The following DNAH6 variants were observed in gnomAD, a reference collection of about 807,000 sequenced individuals.
The protein encoded by DNAH6 is dynein axonemal heavy chain 6, also known as axonemal beta dynein heavy chain 6.
In DNAH6, 340 loss-of-function variants were observed where a neutral mutation model predicts 491.4. The ratio of observed to expected loss-of-function variants is 0.69; its 90% CI spans 0.63 to 0.76. The LOEUF is 0.76. DNAH6 is among the 30% of genes least tolerant of loss of function. DNAH6 has a pLI of 0.00. For synonymous variants in DNAH6, 1,603 were observed against 1,686.1 expected (o/e 0.95, Z 1.21); for missense variants, 4,443 against 4,972.2 (o/e 0.89, Z 3.20).
intron 42 of DNAH6, 73 bp downstream of exon 42, chr2:84,681,601 A>G: frequency 3.7e-6 from 5 of 1,349,146 alleles, no homozygotes; most frequent in Non-Finnish European, 4.9e-6. Flanking sequence ...TATCTCAGTA[A>G]CATTGTATGT....
At chr2:84,815,794 G>A (rs547305863) in intron 75 of DNAH6, 67 bp from the exon 76 acceptor site, 5 of 1,115,974 alleles carry the variant, frequency 4.5e-6, no homozygotes, top group East Asian at 2.6e-5. Context: ...GTGGGACATA[G>A]GAAGTGGCTC....
chr2:84,663,456 G>A lies in DNAH6; in HGVS notation c.6084+4287G>A, dbSNP rs540363817. Among the ~76,000 whole-genome samples, 3 of 152,204 alleles carry A rather than the reference G, an allele frequency of 2.0e-5. No homozygotes were observed. In the East Asian group the frequency reaches 5.8e-4, roughly 29 times the overall value. On this transcript the variant is annotated intron_variant, in intron 37 of 76. Coordinates refer to ENST00000389394, the MANE Select transcript of DNAH6 (RefSeq NM_001370.2). ...CGAGAACTACGTGACACATGCACAAGCTTCAGCAGCCGATTCTATCAATTG... is the reference window on the plus strand; with the variant it reads ...CGAGAACTACGTGACACATGCACAAACTTCAGCAGCCGATTCTATCAATTG...
the DNAH6 span, chr2:84,459,858 G>A: frequency 2.6e-5 from 4 of 152,658 alleles, no homozygotes; most frequent in East Asian, 7.7e-4. Context: ...AAGATGTGAT[G>A]AGAAAGACCA....
chr2:84,535,756 AC>A (rs1342133510), intron 4 of DNAH6, among the ~76,000 whole-genome samples: 1 of 151,858 alleles, frequency 6.6e-6, no homozygotes, highest in Admixed American at 6.6e-5. Context: ...ATAATCCAAG[AC>A]ATTATTAAAG....
chr2:84,624,442 T>A, intron 27 of DNAH6, 23 bp from the exon 28 acceptor site: 1 of 1,550,158 alleles, frequency 6.5e-7, no homozygotes, highest in Admixed American at 2.0e-5. Context: ...AATTAGTGTA[T>A]CTAATATGTA....
intron 33 of DNAH6, among the ~76,000 whole-genome samples, chr2:84,649,136 A>G (rs746381786): frequency 2.0e-5 from 3 of 152,246 alleles, no homozygotes; most frequent in African/African-American, 7.2e-5. Context: ...TTTTTTAGAC[A>G]TAATGCTATT....
At chr2:84,782,577 GGCCCCCT>G (rs1289044298) in intron 65 of DNAH6, among the ~76,000 whole-genome samples, 3 of 152,150 alleles carry the variant, frequency 2.0e-5, no homozygotes, top group Admixed American at 1.3e-4. Flanking sequence ...TTCACTTCCT[GGCCCCCT>G]GCCCTCACCC....
chr2:84,573,670 C>T (rs1027566548), intron 12 of DNAH6, 83 bp downstream of exon 12: 31 of 1,250,838 alleles, frequency 2.5e-5, no homozygotes, highest in African/African-American at 2.0e-4. Context: ...TTGGTGGTGT[C>T]TGGGGACACA....
intron 33 of DNAH6, among the ~76,000 whole-genome samples, chr2:84,652,373 A>C (rs895615954): frequency 6.6e-6 from 1 of 152,010 alleles, no homozygotes; most frequent in African/African-American, 2.4e-5. Context: ...TCCTATGTTC[A>C]TTATTTATTT....
In DNAH6 at chr2:84,528,917, A is replaced by G. The variant is rs1362917388; in HGVS notation, c.413A>G (p.Tyr138Cys). The G allele has an allele frequency of 3.9e-6, 6 of 1,546,820 alleles. No homozygotes were observed. The highest frequency in any genetic ancestry group is 4.0e-5 in the Admixed American group (2 of 50,474). ...GGCTTTGTTTAGATTCATCGGCCCT[A>G]TGTTGAGGTGTTCTCTCCCTCTCCT... ...AVKKMQIHRP[Y>C]VEVFSPSPPK... Residue 138 changes from tyrosine to cysteine, a missense_variant, in exon 4 of 77, where the codon TAT becomes TGT. Physicochemically the swap from Tyr to Cys is radical, Grantham distance 194. Transcript: ENST00000389394.
chr2:84,758,132 A>T (rs1573720302), intron 63 of DNAH6, among the ~76,000 whole-genome samples: 1 of 152,234 alleles, frequency 6.6e-6, no homozygotes, highest in Non-Finnish European at 1.5e-5. Context: ...GAGAACCAAG[A>T]TCACTATGTA....
At chr2:84,668,953 A>C (rs76680237) in intron 37 of DNAH6, among the ~76,000 whole-genome samples, 2 of 152,092 alleles carry the variant, frequency 1.3e-5, no homozygotes, top group Non-Finnish European at 2.9e-5. Flanking sequence ...CATTGAAGAC[A>C]GAGGCTGGGT....
chr2:84,483,211 G>A, the DNAH6 span, among the ~76,000 whole-genome samples: 1 of 151,998 alleles, frequency 6.6e-6, no homozygotes, highest in Non-Finnish European at 1.5e-5. Context: ...CAATCCTCAG[G>A]TGTTGGCATC....
At chr2:84,700,460 A>G (rs1186423574) in intron 48 of DNAH6, among the ~76,000 whole-genome samples, 1 of 152,238 alleles carries the variant, frequency 6.6e-6, no homozygotes, top group Non-Finnish European at 1.5e-5. Context: ...AGTGAAAAAG[A>G]AAGACTAAGT....
intron 37 of DNAH6, 58 bp downstream of exon 37, chr2:84,659,227 G>C: frequency 9.9e-7 from 1 of 1,011,548 alleles, no homozygotes; most frequent in Non-Finnish European, 1.3e-6. Context: ...TAAATTTTAA[G>C]ATTAAAACTT....
At position 84,544,397 on chromosome 2, in the gene DNAH6, TC is replaced by T; in HGVS notation, c.829del (p.Arg277GlyfsTer43). The T allele has an allele frequency of 6.5e-7, 1 of 1,545,382 alleles. No individual in the cohort carries two copies. Among genetic ancestry groups the T allele is most frequent in the Non-Finnish European group, 8.8e-7 (1 of 1,141,382 alleles). ...ELTKIPIFSL[F>X]RKWKAFSVWR... The stretch of plus-strand genomic sequence containing the variant: ...ACTAAGATTCCCATATTTTCACTGT[TC>T]CGGAAATGGAAGGCTTTTAGTGTAT... On this transcript the variant is annotated frameshift_variant, in exon 5 of 77. Transcript: ENST00000389394. LOFTEE classifies it high-confidence loss of function.
At chr2:84,575,837 TCGCG>T (rs1285941468) in intron 12 of DNAH6, among the ~76,000 whole-genome samples, 1 of 152,054 alleles carries the variant, frequency 6.6e-6, no homozygotes, top group African/African-American at 2.4e-5. Flanking sequence ...TGAGCCGAGA[TCGCG>T]CCGCTGCACT....
intron 4 of DNAH6, 100 bp downstream of exon 4, chr2:84,529,266 A>G: frequency 2.0e-6 from 2 of 981,206 alleles, no homozygotes; most frequent in African/African-American, 3.3e-5. Flanking sequence ...AATATCAAAT[A>G]TAATTTTGGT....
chr2:84,685,210 T>C (rs1219420562), intron 42 of DNAH6, 116 bp from the exon 43 acceptor site: 1 of 656,094 alleles, frequency 1.5e-6, no homozygotes, highest in East Asian at 2.9e-5. Flanking sequence ...GGGGAAGCAG[T>C]CATTTTTGGC....
Sources: allele counts gnomAD v4.1 joint callset (sites outside exome capture counted in the v4.1 genomes callset), GRCh38; gene constraint gnomAD v4.1.1; transcripts MANE v1.5; gene names NCBI Gene and HGNC (gene_info 2026-07-23, HGNC 2026-07-21).